ZC4H2: variants seen among roughly 807,000 people sequenced by gnomAD.
ZC4H2 encodes the protein zinc finger C4H2-type containing, also known as zinc finger C4H2 domain-containing protein.
For synonymous variants in ZC4H2, 84 were observed against 66.3 expected (o/e 1.27, Z -1.30); for missense variants, 137 against 173.9 (o/e 0.79, Z 1.19).
intron 1 of ZC4H2, among the ~76,000 whole-genome samples, chrX:65,022,555 C>A (rs188184188): frequency 9.5e-4 from 106 of 111,580 alleles, no homozygotes; most frequent in African/African-American, 3.3e-3. Flanking sequence ...TATGACAAAC[C>A]CACAGCCAAT....
chrX:65,014,703 T>G (rs2147287921), intron 1 of ZC4H2, among the ~76,000 whole-genome samples: 1 of 112,089 alleles, frequency 8.9e-6, no homozygotes, highest in South Asian at 3.7e-4. Flanking sequence ...AAATGATATA[T>G]TTATAAAGTG....
At chrX:64,935,600 C>A (rs1929967279) in intron 1 of ZC4H2, among the ~76,000 whole-genome samples, 1 of 112,102 alleles carries the variant, frequency 8.9e-6, no homozygotes, top group Non-Finnish European at 1.9e-5. Context: ...GCAGGTGCCC[C>A]TCTGGGAGAA....
chrX:64,938,098 G>A (rs1602397324), intron 1 of ZC4H2, among the ~76,000 whole-genome samples: 1 of 111,677 alleles, frequency 9.0e-6, no homozygotes, highest in East Asian at 2.8e-4. Context: ...AACGACATAG[G>A]GCATATCACT....
intron 1 of ZC4H2, among the ~76,000 whole-genome samples, chrX:65,027,091 C>T (rs1932887096): frequency 8.9e-6 from 1 of 111,914 alleles, no homozygotes; most frequent in African/African-American, 3.2e-5. Flanking sequence ...AAAACTTCTA[C>T]AGTAACATTA....
intron 1 of ZC4H2, among the ~76,000 whole-genome samples, chrX:64,946,256 G>A (rs914601524): frequency 9.0e-6 from 1 of 111,655 alleles, no homozygotes; most frequent in African/African-American, 3.3e-5. Flanking sequence ...GGTCCATGAG[G>A]GAATCTCCTA....
chrX:64,975,717 C>T (rs917378444), intron 1 of ZC4H2, among the ~76,000 whole-genome samples: 1 of 111,790 alleles, frequency 8.9e-6, no homozygotes, highest in African/African-American at 3.3e-5. Context: ...CGCGATCCCA[C>T]CATCAGCGCA....
At chrX:64,963,267 T>C (rs1931468531) in intron 1 of ZC4H2, among the ~76,000 whole-genome samples, 1 of 111,810 alleles carries the variant, frequency 8.9e-6, no homozygotes, top group Non-Finnish European at 1.9e-5. Context: ...TCTTATACCA[T>C]ACACAGAAAT....
At chrX:64,930,606 G>T (rs1445821874) in intron 1 of ZC4H2, among the ~76,000 whole-genome samples, 6 of 111,879 alleles carry the variant, frequency 5.4e-5, no homozygotes, top group Non-Finnish European at 1.1e-4. Flanking sequence ...TGCTTTTTCT[G>T]CATCTATTGA....
At chrX:64,938,995 A>G (rs1930144845) in intron 1 of ZC4H2, among the ~76,000 whole-genome samples, 1 of 112,086 alleles carries the variant, frequency 8.9e-6, no homozygotes, top group Non-Finnish European at 1.9e-5. Context: ...AGGAAGTCAA[A>G]TTGTCTCTAT....
Position 64,916,458 on chromosome X carries a change from G to T in ZC4H2, c.*1325C>A, listed in dbSNP as rs969480632. ...TTACTCCAATGAATGCATGTTAAAAGGATTTGTACAGACACAACACTCTTA... is the reference window on the plus strand; with the variant it reads ...TTACTCCAATGAATGCATGTTAAAATGATTTGTACAGACACAACACTCTTA... On this transcript the variant is annotated 3_prime_UTR_variant, in exon 5 of 5. Coordinates refer to ENST00000374839, the MANE Select transcript of ZC4H2 (RefSeq NM_018684.4). The T allele has an allele frequency of 1.8e-5, 2 of 111,842 alleles. No homozygotes were observed. Among genetic ancestry groups the T allele is most frequent in the Non-Finnish European group, 3.8e-5 (2 of 53,136 alleles). 9.2% of individuals were successfully genotyped at this position (111,842 alleles called of 1,213,427 possible).
intron 1 of ZC4H2, among the ~76,000 whole-genome samples, chrX:65,029,818 G>T (rs756932739): frequency 3.6e-5 from 4 of 110,619 alleles, no homozygotes; most frequent in Non-Finnish European, 5.7e-5. Context: ...TGGCAGATTT[G>T]CTGTGTGAAG....
At chrX:65,016,416 A>G (rs751327872) in intron 1 of ZC4H2, among the ~76,000 whole-genome samples, 19 of 112,167 alleles carry the variant, frequency 1.7e-4, no homozygotes, top group African/African-American at 6.2e-4. Context: ...GGTCCAATCA[A>G]CTATGTTTAG....
At chrX:64,934,749 C>T (rs1929915232) in intron 1 of ZC4H2, among the ~76,000 whole-genome samples, 1 of 111,638 alleles carries the variant, frequency 9.0e-6, no homozygotes, top group Admixed American at 9.5e-5. Context: ...TCGGGGAACT[C>T]CATCTCCCAG....
At chrX:65,018,705 G>T (rs1932813944) in intron 1 of ZC4H2, among the ~76,000 whole-genome samples, 1 of 110,527 alleles carries the variant, frequency 9.0e-6, no homozygotes, top group Non-Finnish European at 1.9e-5. Context: ...CCCCTGGAAA[G>T]GGGGCTGAAG....
intron 1 of ZC4H2, among the ~76,000 whole-genome samples, chrX:65,028,216 G>A (rs1243345220): frequency 9.1e-6 from 1 of 110,355 alleles, no homozygotes; most frequent in Non-Finnish European, 1.9e-5. Flanking sequence ...ATTCCCAGAG[G>A]GCTTTTAAGA....
At chrX:64,987,174 C>A (rs749302878) in intron 1 of ZC4H2, among the ~76,000 whole-genome samples, 1 of 110,122 alleles carries the variant, frequency 9.1e-6, no homozygotes, top group Non-Finnish European at 1.9e-5. Context: ...GTGATCCGCC[C>A]GTCTCAGCTT....
chrX:64,952,537 G>C (rs751046487), intron 1 of ZC4H2, among the ~76,000 whole-genome samples: 1 of 110,874 alleles, frequency 9.0e-6, no homozygotes, highest in African/African-American at 3.3e-5. Flanking sequence ...GACAAACAGA[G>C]AGCCAAATCA....
At chrX:65,006,496 G>T (rs1042097385) in intron 1 of ZC4H2, among the ~76,000 whole-genome samples, 2 of 106,818 alleles carry the variant, frequency 1.9e-5, no homozygotes, top group African/African-American at 6.9e-5. Flanking sequence ...ACTCACAGGT[G>T]GGAACTGAAC....
intron 1 of ZC4H2, among the ~76,000 whole-genome samples, chrX:64,952,645 A>G (rs756440941): frequency 4.2e-4 from 47 of 110,924 alleles, no homozygotes; most frequent in Non-Finnish European, 7.7e-4. Context: ...AGAACTACAA[A>G]CCACTGCTCA....
Sources: allele counts gnomAD v4.1 joint callset (sites outside exome capture counted in the v4.1 genomes callset), GRCh38; gene constraint gnomAD v4.1.1; transcripts MANE v1.5; gene names NCBI Gene and HGNC (gene_info 2026-07-23, HGNC 2026-07-21).